The following GRID1 variants were observed in gnomAD, a reference collection of about 807,000 sequenced individuals.
GRID1 encodes the protein glutamate receptor ionotropic, delta-1.
In GRID1, 28 loss-of-function variants were observed where a neutral mutation model predicts 98.0. That is an observed-to-expected ratio of 0.29 (90% CI 0.21 to 0.39). The LOEUF (loss-of-function observed/expected upper bound fraction) is 0.39, where lower values mean the gene tolerates loss of function less well. GRID1 is among the 10% of genes least tolerant of loss of function. GRID1 has a pLI of 1.00. For missense variants in GRID1, 1,111 were observed against 1,340.5 expected, an observed-to-expected ratio of 0.83 and a Z score of 2.67; for synonymous variants, 553 against 538.5, an observed-to-expected ratio of 1.03 and a Z score of -0.37.
In GRID1 at chr10:85,982,401, TTA is replaced by T. The variant is rs765772126; in HGVS notation, c.727-66164_727-66163del. On this transcript the variant is annotated intron_variant, in intron 4 of 15. Coordinates refer to ENST00000327946, the MANE Select transcript of GRID1 (RefSeq NM_017551.3). ...GCATTTTAAGCAACAGTGATCTGAC[TTA>T]TACTTAAGAGGATTAGACCAGGTGC... Among the ~76,000 whole-genome samples the T allele has an allele frequency of 5.4e-3, 816 of 152,320 alleles. 7 individuals are homozygous for T. Among genetic ancestry groups the T allele is most frequent in the South Asian group, 0.011 (55 of 4,820 alleles).
In GRID1 at chr10:86,233,641, C is replaced by T. The variant is rs556058671; in HGVS notation, c.236-26993G>A. On this transcript the variant is annotated intron_variant, in intron 2 of 15. Coordinates refer to ENST00000327946, the MANE Select transcript of GRID1 (RefSeq NM_017551.3). ...CCCTCCTTCCCTCCAGAGGGAACAACTCTATGTTCCAGAGTCCCTGATCAG... is the reference window on the plus strand; with the variant it reads ...CCCTCCTTCCCTCCAGAGGGAACAATTCTATGTTCCAGAGTCCCTGATCAG... 1.6e-3 allele frequency among the ~76,000 whole-genome samples: 242 copies of T among 152,286 alleles called. 1 individual carries two copies. The highest frequency in any genetic ancestry group is 5.5e-3 in the African/African-American group (229 of 41,558).
intron 4 of GRID1, among the ~76,000 whole-genome samples, chr10:86,046,436 C>A (rs778528852): frequency 6.6e-6 from 1 of 152,162 alleles, no homozygotes; most frequent in East Asian, 1.9e-4. Flanking sequence ...AATCCAGGAA[C>A]CTTCATGAGC....
intron 4 of GRID1, among the ~76,000 whole-genome samples, chr10:85,983,209 T>C (rs779978158): frequency 7.2e-5 from 11 of 152,016 alleles, no homozygotes; most frequent in Non-Finnish European, 1.5e-4. Context: ...CTCTGTTGAG[T>C]TCATGAGTAA....
intron 8 of GRID1, among the ~76,000 whole-genome samples, chr10:85,751,968 A>G (rs2132687230): frequency 6.6e-6 from 1 of 152,302 alleles, no homozygotes; most frequent in South Asian, 2.1e-4. Flanking sequence ...AACCATCCCC[A>G]TATTTCTGCT....
At chr10:86,004,592 C>T (rs1842837365) in intron 4 of GRID1, among the ~76,000 whole-genome samples, 1 of 152,180 alleles carries the variant, frequency 6.6e-6, no homozygotes, top group African/African-American at 2.4e-5. Flanking sequence ...AGCAGATGGC[C>T]TTCAAACTTC....
At chr10:86,159,824 G>A (rs752563376) in intron 3 of GRID1, among the ~76,000 whole-genome samples, 6 of 152,182 alleles carry the variant, frequency 3.9e-5, no homozygotes, top group Non-Finnish European at 7.3e-5. Context: ...ATAAAATGGG[G>A]ATGATAACAA....
At chr10:85,866,640 T>C (rs1843224454) in intron 6 of GRID1, among the ~76,000 whole-genome samples, 1 of 152,212 alleles carries the variant, frequency 6.6e-6, no homozygotes, top group Non-Finnish European at 1.5e-5. Context: ...GTACTGCTAA[T>C]AGCCAGCTCT....
chr10:85,833,448 A>C, intron 8 of GRID1, among the ~76,000 whole-genome samples: 1 of 152,134 alleles, frequency 6.6e-6, no homozygotes, highest in East Asian at 1.9e-4. Context: ...TCCTAAAATT[A>C]AGTAGTCACT....
At chr10:86,326,230 G>C (rs867869281) in intron 2 of GRID1, among the ~76,000 whole-genome samples, 2 of 152,204 alleles carry the variant, frequency 1.3e-5, no homozygotes, top group Non-Finnish European at 2.9e-5. Flanking sequence ...AAGCATTAAA[G>C]AGACCCAAAA....
chr10:86,010,814 CA>C (rs58304694), intron 4 of GRID1, among the ~76,000 whole-genome samples: 1,451 of 114,484 alleles, frequency 0.013, 20 homozygotes, highest in African/African-American at 0.043. Context: ...ACTATGTCTC[CA>C]AAAAAAAAAA....
chr10:85,937,467 T>C (rs1285402378), intron 4 of GRID1, among the ~76,000 whole-genome samples: 1 of 152,232 alleles, frequency 6.6e-6, no homozygotes, highest in East Asian at 1.9e-4. Flanking sequence ...GCCGAGTAGC[T>C]GTGTTGAAGG....
chr10:86,078,136 C>G (rs1206130675), intron 4 of GRID1, among the ~76,000 whole-genome samples: 1 of 152,260 alleles, frequency 6.6e-6, no homozygotes, highest in African/African-American at 2.4e-5. Context: ...TGGGCCATCT[C>G]CAAGGAAATG....
chr10:85,754,478 T>A (rs1358524375), intron 8 of GRID1, among the ~76,000 whole-genome samples: 1 of 151,924 alleles, frequency 6.6e-6, no homozygotes, highest in Non-Finnish European at 1.5e-5. Context: ...GAGAAAAGAG[T>A]GATCCTCTGA....
At chr10:86,252,013 A>ATG (rs1449691919) in intron 2 of GRID1, among the ~76,000 whole-genome samples, 2 of 152,158 alleles carry the variant, frequency 1.3e-5, no homozygotes, top group Non-Finnish European at 2.9e-5. Flanking sequence ...TCACTTGCAG[A>ATG]GGTTGGTACG....
chr10:85,833,248 T>C (rs1199729423), intron 8 of GRID1, among the ~76,000 whole-genome samples: 1 of 152,154 alleles, frequency 6.6e-6, no homozygotes, highest in Non-Finnish European at 1.5e-5. Flanking sequence ...CAGGATAGTC[T>C]TGTCACAAGT....
chr10:85,965,217 A>T (rs551755866), intron 4 of GRID1, among the ~76,000 whole-genome samples: 1 of 152,380 alleles, frequency 6.6e-6, no homozygotes, highest in African/African-American at 2.4e-5. Context: ...CCATTGTGGA[A>T]GACAGTGTGG....
At chr10:85,780,326 A>G (rs1842369979) in intron 8 of GRID1, among the ~76,000 whole-genome samples, 1 of 152,124 alleles carries the variant, frequency 6.6e-6, no homozygotes, top group Non-Finnish European at 1.5e-5. Flanking sequence ...AATGGCCACC[A>G]CATCCCCCAC....
intron 8 of GRID1, among the ~76,000 whole-genome samples, chr10:85,809,149 C>T (rs1038132192): frequency 3.3e-5 from 5 of 151,740 alleles, no homozygotes; most frequent in Admixed American, 1.3e-4. Context: ...AGACGTGACT[C>T]GTTAACCTAT....
chr10:86,355,746 C>G (rs1381689392), intron 2 of GRID1, among the ~76,000 whole-genome samples: 3 of 152,268 alleles, frequency 2.0e-5, no homozygotes, highest in Admixed American at 1.3e-4. Flanking sequence ...ACAGACCCAG[C>G]TGTCTTCCTG....
Sources: allele counts gnomAD v4.1 joint callset (sites outside exome capture counted in the v4.1 genomes callset), GRCh38; gene constraint gnomAD v4.1.1; transcripts MANE v1.5; gene names NCBI Gene and HGNC (gene_info 2026-07-23, HGNC 2026-07-21).